The following BPIFC variants were observed in gnomAD, a reference collection of about 807,000 sequenced individuals.
BPIFC encodes the protein BPI fold containing family C.
Under a neutral mutation model 57.6 loss-of-function variants are expected in BPIFC, and 60 were observed. That is an observed-to-expected ratio of 1.04 (90% CI 0.85 to 1.29). The LOEUF is 1.29. BPIFC is among the 50% of genes most tolerant of loss of function. The probability of loss-of-function intolerance (pLI) is 0.00; values close to 1 mark genes in which losing one functional copy is unlikely to be tolerated. For synonymous variants in BPIFC, 243 were observed against 224.5 expected, an observed-to-expected ratio of 1.08 and a Z score of -0.74; for missense variants, 581 against 600.5, an observed-to-expected ratio of 0.97 and a Z score of 0.34.
At chr22:32,458,870 C>T (rs12628404) in intron 2 of BPIFC, among the ~76,000 whole-genome samples, 11,626 of 152,234 alleles carry the variant, frequency 0.076, 485 homozygotes, top group African/African-American at 0.085. Context: ...ATGAAATAAA[C>T]ATTCTCTGCA....
chr22:32,430,961 A>T (rs1746881607), intron 13 of BPIFC, among the ~76,000 whole-genome samples: 1 of 152,292 alleles, frequency 6.6e-6, no homozygotes, highest in Admixed American at 6.5e-5. Flanking sequence ...AATTATATTT[A>T]TAATTATTTT....
chr22:32,433,538 T>A (rs1055112541), intron 11 of BPIFC, among the ~76,000 whole-genome samples, 181 bp downstream of exon 11: 1 of 152,226 alleles, frequency 6.6e-6, no homozygotes, highest in Non-Finnish European at 1.5e-5. Flanking sequence ...CACTTGTATG[T>A]TAATTGCACT....
intron 8 of BPIFC, among the ~76,000 whole-genome samples, chr22:32,440,668 C>T (rs1363926773): frequency 6.6e-6 from 1 of 152,142 alleles, no homozygotes; most frequent in Non-Finnish European, 1.5e-5. Flanking sequence ...TCCCTTCTTC[C>T]AATTTTCCAA....
chr22:32,433,213 C>G (rs1014120236), intron 11 of BPIFC, among the ~76,000 whole-genome samples: 2 of 152,098 alleles, frequency 1.3e-5, no homozygotes, highest in Non-Finnish European at 2.9e-5. Flanking sequence ...AAAAAACAAA[C>G]AAACAAAAAC....
At chr22:32,443,118 C>G (rs1934612788) in intron 7 of BPIFC, among the ~76,000 whole-genome samples, 5 of 151,482 alleles carry the variant, frequency 3.3e-5, no homozygotes, top group Admixed American at 3.3e-4. Flanking sequence ...GCCATCTCCT[C>G]TAGGAGCGGT....
At chr22:32,432,638 C>T (rs1171418689) in intron 11 of BPIFC, 95 bp from the exon 12 acceptor site, 12 of 1,197,494 alleles carry the variant, frequency 1.0e-5, no homozygotes, top group East Asian at 2.4e-5. Context: ...CTAAATCTTA[C>T]ATTGTGCAGT....
At chr22:32,429,254 T>C (rs1362246629) in intron 13 of BPIFC, among the ~76,000 whole-genome samples, 1 of 151,934 alleles carries the variant, frequency 6.6e-6, no homozygotes, top group Non-Finnish European at 1.5e-5. Flanking sequence ...TCCCCCAGGC[T>C]GGAGTGCAGT....
rs777441994 is a variant in BPIFC at position 32,453,474 on chromosome 22, G to C, written c.154C>G (p.Gln52Glu). Residue 52 changes from glutamine to glutamate, a missense_variant, in exon 4 of 17, where the codon CAA becomes GAA. Coordinates refer to ENST00000300399, the MANE Select transcript of BPIFC (RefSeq NM_174932.3). ...GGGAGTTTCTTTTCTTTTAGCATTT[G>C]CTCAATCATCTTCATTCCAGCTTGA... ...GVQAGMKMIE[Q>E]MLKEKKLPDL... 3 of 1,603,680 alleles carry C rather than the reference G, an allele frequency of 1.9e-6. No homozygotes were observed. The South Asian group carries it at 3.4e-5, about 18-fold the overall frequency.
At chr22:32,443,446 A>T (rs2060462142) in intron 7 of BPIFC, among the ~76,000 whole-genome samples, 1 of 152,200 alleles carries the variant, frequency 6.6e-6, no homozygotes, top group South Asian at 2.1e-4. Context: ...TACAGGCGTG[A>T]GCCACCGCGC....
chr22:32,416,766 C>T (rs562452581), intron 15 of BPIFC, among the ~76,000 whole-genome samples: 1 of 152,190 alleles, frequency 6.6e-6, no homozygotes, highest in African/African-American at 2.4e-5. Context: ...AAAATAATCT[C>T]GTTTCCGGTT....
intron 4 of BPIFC, among the ~76,000 whole-genome samples, chr22:32,451,033 T>G (rs1464157937): frequency 6.6e-6 from 1 of 152,230 alleles, no homozygotes; most frequent in African/African-American, 2.4e-5. Flanking sequence ...TAAAAATGCA[T>G]TTCCTCAGTT....
At chr22:32,462,148 G>A (rs542641309) in intron 1 of BPIFC, among the ~76,000 whole-genome samples, 253 of 110,370 alleles carry the variant, frequency 2.3e-3, no homozygotes, top group Middle Eastern at 0.011. Flanking sequence ...CCAGTCTGGC[G>A]ACAGAGCGAG....
In BPIFC at chr22:32,437,814, G is replaced by GTAA; in HGVS notation, c.690_692dup (p.Tyr231dup). ...TAATTTCTGGAGAACTGATTAGGGA[G>GTAA]TAATCCAGCAGAGTGTAGTTGTCAA... On this transcript the variant is annotated inframe_insertion, in exon 9 of 17. Transcript: ENST00000300399. 6.2e-7 allele frequency: 1 copy of GTAA among 1,612,430 alleles called. No individual in the cohort carries two copies. The highest frequency in any genetic ancestry group is 8.5e-7 in the Non-Finnish European group (1 of 1,178,584).
At chr22:32,422,609 GAGGC>G (rs1490632416) in intron 13 of BPIFC, among the ~76,000 whole-genome samples, 2 of 152,052 alleles carry the variant, frequency 1.3e-5, no homozygotes, top group Non-Finnish European at 2.9e-5. Context: ...TCGGGAGGCA[GAGGC>G]AGGAGAATTG....
intron 11 of BPIFC, 72 bp from the exon 12 acceptor site, chr22:32,432,615 T>G: frequency 7.0e-7 from 1 of 1,438,180 alleles, no homozygotes; most frequent in Non-Finnish European, 9.7e-7. Context: ...AAGGTTAGGA[T>G]GGCCTGTGGT....
intron 13 of BPIFC, among the ~76,000 whole-genome samples, chr22:32,429,743 C>A (rs531577007): frequency 6.6e-6 from 1 of 152,018 alleles, no homozygotes; most frequent in African/African-American, 2.4e-5. Context: ...TCTCGAACTC[C>A]TGACCTCATC....
Position 32,437,803 on chromosome 22 carries a change from C to A in BPIFC, c.704G>T (p.Ser235Ile), listed in dbSNP as rs770971560. 2 of 1,612,452 alleles carry A rather than the reference C, an allele frequency of 1.2e-6. No homozygotes were observed. The highest frequency in any genetic ancestry group is 2.2e-5 in the East Asian group (1 of 44,896). The change falls in exon 9 of 17, where the codon AGT becomes ATT. Residue 235 changes from serine to isoleucine, a missense_variant. Ser to Ile is a moderately radical substitution (Grantham distance 142). Transcript: ENST00000300399. The part of the protein sequence containing the change: ...NYTLLDYSLI[S>I]SPEITENYLD... ...GTAGTTCTCAGTAATTTCTGGAGAA[C>A]TGATTAGGGAGTAATCCAGCAGAGT...
intron 3 of BPIFC, among the ~76,000 whole-genome samples, chr22:32,456,224 C>T (rs912965850): frequency 1.3e-5 from 2 of 152,232 alleles, no homozygotes; most frequent in Admixed American, 6.5e-5. Context: ...TAACAAGATA[C>T]ACACACATGC....
intron 4 of BPIFC, 179 bp downstream of exon 4, chr22:32,453,204 C>T (rs1601482344): frequency 9.3e-6 from 4 of 427,896 alleles, no homozygotes; most frequent in Non-Finnish European, 1.6e-5. Context: ...ATGGCTGGAA[C>T]CGCAGTGGCC....
Sources: allele counts gnomAD v4.1 joint callset (sites outside exome capture counted in the v4.1 genomes callset), GRCh38; gene constraint gnomAD v4.1.1; transcripts MANE v1.5; gene names NCBI Gene and HGNC (gene_info 2026-07-23, HGNC 2026-07-21).